The following UBR1 variants were observed in gnomAD, a reference collection of about 807,000 sequenced individuals.
UBR1 encodes the protein ubiquitin protein ligase E3 component n-recognin 1, also known as E3 ubiquitin-protein ligase UBR1.
Under a neutral mutation model 242.1 loss-of-function variants are expected in UBR1, and 102 were observed. That is an observed-to-expected ratio of 0.42 (90% CI 0.36 to 0.50). The LOEUF is 0.50. Ranked by LOEUF, UBR1 falls within the 20% of genes least tolerant of loss-of-function variation. The pLI, the probability that UBR1 is intolerant of heterozygous loss-of-function variation, is 0.01. For missense variants in UBR1, 1,772 were observed against 2,101.8 expected, an observed-to-expected ratio of 0.84 and a Z score of 3.07; for synonymous variants, 675 against 684.8, an observed-to-expected ratio of 0.99 and a Z score of 0.22.
At chr15:43,048,023 C>A (rs1464373714) in intron 13 of UBR1, among the ~76,000 whole-genome samples, 1 of 151,968 alleles carries the variant, frequency 6.6e-6, no homozygotes, top group South Asian at 2.1e-4. Flanking sequence ...CCCACCTCTA[C>A]TAAAAATACA....
chr15:43,050,892 G>C lies in UBR1; in HGVS notation c.1440-2401C>G, dbSNP rs188618331. Among the ~76,000 whole-genome samples, 451 of 152,278 alleles carry C rather than the reference G, an allele frequency of 3.0e-3. 5 individuals are homozygous for C. Among genetic ancestry groups the C allele is most frequent in the African/African-American group, 1.0e-2 (414 of 41,552 alleles). ...CACAATGAGATACCATCTCACACTA[G>C]TCACAATGGCTACTATTAAAAAGTA... On this transcript the variant is annotated intron_variant, in intron 12 of 46. Coordinates refer to ENST00000290650, the MANE Select transcript of UBR1 (RefSeq NM_174916.3).
At position 42,992,236 on chromosome 15, in the gene UBR1, C is replaced by A. The variant is rs571124064; in HGVS notation, c.3758-2116G>T. Among the ~76,000 whole-genome samples the A allele has an allele frequency of 2.0e-5, 3 of 152,232 alleles. No homozygotes were observed. In the East Asian group the frequency reaches 5.8e-4, roughly 29 times the overall value. ...GCTAACTAGCTGCTTTAAAACTCTT[C>A]GATAAGTTTAACATTTAAAACATCT... On this transcript the variant is annotated intron_variant, in intron 33 of 46. Transcript: ENST00000290650.
intron 44 of UBR1, among the ~76,000 whole-genome samples, chr15:42,953,881 CTTTTTTT>C (rs542646568): frequency 1.5e-5 from 2 of 132,756 alleles, no homozygotes; most frequent in East Asian, 4.3e-4. Context: ...ACTTGATATT[CTTTTTTT>C]TTTTTTTTTT....
intron 19 of UBR1, among the ~76,000 whole-genome samples, chr15:43,034,659 G>T (rs770258503): frequency 7.9e-5 from 12 of 151,998 alleles, no homozygotes; most frequent in South Asian, 2.1e-4. Flanking sequence ...GCCAAGGCGG[G>T]CAGATCACCC....
At chr15:42,983,665 C>CAAT (rs60519719) in intron 37 of UBR1, among the ~76,000 whole-genome samples, 24,430 of 137,062 alleles carry the variant, frequency 0.18, 2,506 homozygotes, top group African/African-American at 0.28. Flanking sequence ...AACTCCCACT[C>CAAT]AATAATAATA....
At chr15:43,043,523 C>T in intron 14 of UBR1, 128 bp from the exon 15 acceptor site, 1 of 829,886 alleles carries the variant, frequency 1.2e-6, no homozygotes, top group Non-Finnish European at 2.0e-6. Context: ...CTCACTGCAG[C>T]CTCAACCTCC....
intron 3 of UBR1, among the ~76,000 whole-genome samples, chr15:43,076,063 G>A (rs2033886539): frequency 6.6e-6 from 1 of 151,618 alleles, no homozygotes; most frequent in South Asian, 2.1e-4. Context: ...TCGGCTCACT[G>A]CAACCTCCCC....
At chr15:43,078,229 A>C (rs1326489672) in intron 3 of UBR1, among the ~76,000 whole-genome samples, 2 of 152,230 alleles carry the variant, frequency 1.3e-5, no homozygotes, top group Non-Finnish European at 2.9e-5. Flanking sequence ...AAGAGGTGGC[A>C]AACTCAGAGA....
intron 38 of UBR1, 124 bp from the exon 39 acceptor site, chr15:42,976,991 A>G (rs182750841): frequency 9.0e-7 from 1 of 1,113,806 alleles, no homozygotes; most frequent in South Asian, 1.4e-5. Flanking sequence ...TTTAATAAAA[A>G]CCATATTTTT....
intron 4 of UBR1, among the ~76,000 whole-genome samples, chr15:43,073,608 T>C (rs577271920): frequency 6.6e-6 from 1 of 152,362 alleles, no homozygotes; most frequent in Non-Finnish European, 1.5e-5. Context: ...CTACTTGTCA[T>C]TGTCAGAAAC....
rs2141267839 is a variant in UBR1, at chr15:42,977,980, C to A, written c.4151-33G>T. On this transcript the variant is annotated intron_variant, in intron 37 of 46. Coordinates refer to ENST00000290650, the MANE Select transcript of UBR1 (RefSeq NM_174916.3). ...AAACAAAAAGTTAATGTAATTCAGT[C>A]AGTAAGATAGCAGTGTAGGTAAATA... 3 of 1,553,956 alleles carry A rather than the reference C, an allele frequency of 1.9e-6. No homozygotes were observed. In the South Asian group the frequency reaches 3.3e-5, roughly 17 times the overall value.
chr15:42,954,595 T>A (rs2031887923), intron 44 of UBR1, among the ~76,000 whole-genome samples: 1 of 152,082 alleles, frequency 6.6e-6, no homozygotes, highest in African/African-American at 2.4e-5. Context: ...TTTGAGACAG[T>A]CTTACTCTGT....
chr15:43,100,482 T>C (rs902494878), intron 1 of UBR1, among the ~76,000 whole-genome samples: 1 of 152,190 alleles, frequency 6.6e-6, no homozygotes, highest in African/African-American at 2.4e-5. Context: ...TTAATGTTGA[T>C]CCTCAGTTAT....
At position 42,945,222 on chromosome 15, in the gene UBR1, GC is replaced by G; in HGVS notation, c.*106del. 6.7e-7 allele frequency: 1 copy of G among 1,496,828 alleles called. No individual in the cohort carries two copies. Among genetic ancestry groups the G allele is most frequent in the East Asian group, 2.3e-5 (1 of 43,224 alleles). 92.7% of individuals were successfully genotyped at this position (1,496,828 alleles called of 1,614,324 possible). On this transcript the variant is annotated 3_prime_UTR_variant, in exon 47 of 47. Coordinates refer to ENST00000290650, the MANE Select transcript of UBR1 (RefSeq NM_174916.3). ...TGATGTAAGTGAACCTGGACATGGAGCAAAAGACCCTCCAATACTTTCCCAG... is the reference window on the plus strand; with the variant it reads ...TGATGTAAGTGAACCTGGACATGGAGAAAAGACCCTCCAATACTTTCCCAG...
At chr15:43,097,382 T>C (rs1204570793) in intron 1 of UBR1, among the ~76,000 whole-genome samples, 1 of 152,230 alleles carries the variant, frequency 6.6e-6, no homozygotes, top group Non-Finnish European at 1.5e-5. Context: ...ATTTTCTGAA[T>C]GGTAAATGGA....
chr15:43,004,984 CACG>C (rs2032787463), intron 30 of UBR1, among the ~76,000 whole-genome samples: 1 of 151,588 alleles, frequency 6.6e-6, no homozygotes, highest in Non-Finnish European at 1.5e-5. Context: ...GCACCTCTGC[CACG>C]CCGCCCCATC....
intron 37 of UBR1, among the ~76,000 whole-genome samples, chr15:42,980,085 A>AC (rs2032352301): frequency 6.6e-6 from 1 of 151,980 alleles, no homozygotes; most frequent in African/African-American, 2.4e-5. Flanking sequence ...TACCTATCTT[A>AC]TTTTTTTCTC....
intron 6 of UBR1, among the ~76,000 whole-genome samples, chr15:43,065,217 C>T (rs1017027957): frequency 5.3e-5 from 8 of 152,094 alleles, no homozygotes; most frequent in Non-Finnish European, 8.8e-5. Flanking sequence ...AAAAAATGTT[C>T]GCTAAATACC....
At chr15:43,025,525 A>G (rs2033167543) in intron 23 of UBR1, 96 bp from the exon 24 acceptor site, 1 of 814,560 alleles carries the variant, frequency 1.2e-6, no homozygotes, top group African/African-American at 1.7e-5. Flanking sequence ...ACCTATTAAA[A>G]TACTTTATAT....
Sources: gnomAD v4.1 joint callset for allele counts (sites outside exome capture counted in the v4.1 genomes callset) on GRCh38, gnomAD v4.1.1 for gene constraint, MANE v1.5 for transcripts, NCBI Gene and HGNC (gene_info 2026-07-23, HGNC 2026-07-21) for gene names.